Variants in GSDMC observed in about 807,000 individuals in gnomAD.
GSDMC encodes the protein gasdermin C.
A neutral mutation model predicts 58.0 loss-of-function variants in GSDMC; 59 were observed. That is an observed-to-expected ratio of 1.02 (90% CI 0.82 to 1.26). The LOEUF is 1.26. Among genes scored for constraint, GSDMC ranks in the 50% most tolerant of loss-of-function variants. GSDMC has a pLI of 0.00. For missense variants in GSDMC, 659 were observed against 598.5 expected, an observed-to-expected ratio of 1.10 and a Z score of -1.06; for synonymous variants, 241 against 220.2, an observed-to-expected ratio of 1.09 and a Z score of -0.83.
intron 3 of GSDMC, among the ~76,000 whole-genome samples, chr8:129,773,372 T>C (rs190184181): frequency 1.3e-3 from 191 of 152,334 alleles, no homozygotes; most frequent in Middle Eastern, 6.8e-3. Flanking sequence ...TCGAAAATCC[T>C]AAAAACTTCA....
At chr8:129,781,057 G>C (rs2034391674) in intron 1 of GSDMC, among the ~76,000 whole-genome samples, 1 of 151,902 alleles carries the variant, frequency 6.6e-6, no homozygotes, top group Non-Finnish European at 1.5e-5. Flanking sequence ...AAAATGAAAA[G>C]CAAGAAATTG....
chr8:129,732,332 G>A, the GSDMC span, among the ~76,000 whole-genome samples: 1 of 149,582 alleles, frequency 6.7e-6, no homozygotes, highest in South Asian at 2.1e-4. Context: ...GAGGGCTATA[G>A]AAGGAAAGCC....
At chr8:129,758,153 A>G (rs1235683384) in intron 6 of GSDMC, among the ~76,000 whole-genome samples, 1 of 152,262 alleles carries the variant, frequency 6.6e-6, no homozygotes, top group African/African-American at 2.4e-5. Context: ...AAGGTATTTC[A>G]TAAAGTTAAA....
In GSDMC at chr8:129,762,748, G is replaced by C. The variant is rs1387895938; in HGVS notation, c.571-17C>G. The C allele has an allele frequency of 1.3e-6, 2 of 1,504,142 alleles. No homozygotes were observed. Among genetic ancestry groups the C allele is most frequent in the African/African-American group, 1.4e-5 (1 of 72,724 alleles). 93.2% of individuals were successfully genotyped at this position (1,504,142 alleles called of 1,614,324 possible). A position where few individuals can be genotyped will look rare whatever the true frequency, so the allele number is the denominator to read the frequency against. On this transcript the variant is annotated splice_polypyrimidine_tract_variant and intron_variant, in intron 4 of 13. Coordinates refer to ENST00000276708, the MANE Select transcript of GSDMC (RefSeq NM_031415.3). The stretch of plus-strand genomic sequence containing the variant: ...GCCTTGACCCTGGGGAGAGAAACCA[G>C]ACAATACAGTATTAAATGTATGTAA...
In GSDMC at chr8:129,786,493, A is replaced by G. The variant is rs968030881; in HGVS notation, c.-487T>C. 1 of 152,180 alleles carries G rather than the reference A, an allele frequency of 6.6e-6. No homozygotes were observed. Among genetic ancestry groups the G allele is most frequent in the Non-Finnish European group, 1.5e-5 (1 of 68,028 alleles). 9.4% of individuals were successfully genotyped at this position (152,180 alleles called of 1,614,324 possible). A position where few individuals can be genotyped will look rare whatever the true frequency, so the allele number is the denominator to read the frequency against. ...TCCCTGACTCAATTTCCAATGCAGT[A>G]TCCTGGAAAAATAAGCACAGGAGGG... On this transcript the variant is annotated 5_prime_UTR_variant, in exon 1 of 14. Coordinates refer to ENST00000276708, the MANE Select transcript of GSDMC (RefSeq NM_031415.3).
At chr8:129,740,722 C>T in the GSDMC span, among the ~76,000 whole-genome samples, 1 of 152,048 alleles carries the variant, frequency 6.6e-6, no homozygotes. Context: ...GATTTATACA[C>T]GACTATATAT....
At chr8:129,769,730 A>G (rs1336075622) in intron 3 of GSDMC, among the ~76,000 whole-genome samples, 1 of 152,108 alleles carries the variant, frequency 6.6e-6, no homozygotes, top group Non-Finnish European at 1.5e-5. Context: ...TACAATGGCA[A>G]CTAAATTTCA....
the GSDMC span, among the ~76,000 whole-genome samples, chr8:129,722,388 C>A: frequency 2.0e-4 from 31 of 152,286 alleles, no homozygotes; most frequent in Non-Finnish European, 2.6e-4. Flanking sequence ...GTTAGTGTAG[C>A]TTATAAACAA....
At chr8:129,772,046 T>G (rs2128386) in intron 3 of GSDMC, among the ~76,000 whole-genome samples, 2 of 152,040 alleles carry the variant, frequency 1.3e-5, no homozygotes, top group Middle Eastern at 3.4e-3. Flanking sequence ...GGGCAGATCA[T>G]GAGGTCAGGA....
chr8:129,709,523 G>A, the GSDMC span, among the ~76,000 whole-genome samples: 2 of 147,684 alleles, frequency 1.4e-5, no homozygotes, highest in Non-Finnish European at 2.9e-5. Context: ...ATAGATGATA[G>A]GCAGATAGTT....
chr8:129,715,542 C>T, the GSDMC span, among the ~76,000 whole-genome samples: 1,521 of 152,250 alleles, frequency 1.0e-2, 15 homozygotes, highest in Middle Eastern at 0.031. Context: ...GAAAGAAAAA[C>T]TATCAACCTA....
the GSDMC span, among the ~76,000 whole-genome samples, chr8:129,718,623 G>A: frequency 2.0e-5 from 3 of 152,184 alleles, no homozygotes. Flanking sequence ...AGGCAGTGTG[G>A]AGTTTCCTCA....
chr8:129,782,569 T>C (rs1282896699), intron 1 of GSDMC, among the ~76,000 whole-genome samples: 3 of 152,124 alleles, frequency 2.0e-5, no homozygotes, highest in Non-Finnish European at 4.4e-5. Flanking sequence ...TATTGGCAGC[T>C]ACTATGAGCA....
the GSDMC span, among the ~76,000 whole-genome samples, chr8:129,735,936 A>G: frequency 6.6e-6 from 1 of 152,220 alleles, no homozygotes; most frequent in African/African-American, 2.4e-5. Flanking sequence ...AAAAGAGAGA[A>G]GAATCAAATA....
At chr8:129,716,387 T>C in the GSDMC span, among the ~76,000 whole-genome samples, 1 of 152,244 alleles carries the variant, frequency 6.6e-6, no homozygotes, top group Admixed American at 6.5e-5. Flanking sequence ...CAATTGTGAA[T>C]GGGAGTTCAC....
intron 5 of GSDMC, among the ~76,000 whole-genome samples, chr8:129,761,447 A>G (rs1170346068): frequency 6.6e-6 from 1 of 152,036 alleles, no homozygotes; most frequent in Non-Finnish European, 1.5e-5. Context: ...CACTTCAACC[A>G]CTGTAGTTTA....
chr8:129,780,363 T>C (rs1395885006), intron 1 of GSDMC, among the ~76,000 whole-genome samples: 1 of 151,650 alleles, frequency 6.6e-6, no homozygotes, highest in African/African-American at 2.4e-5. Context: ...CTCCCAAATA[T>C]CAAGTATAAA....
intron 4 of GSDMC, among the ~76,000 whole-genome samples, chr8:129,764,403 G>A (rs73406824): frequency 0.095 from 14,501 of 152,084 alleles, 2,356 homozygotes; most frequent in African/African-American, 0.33. Flanking sequence ...GTGTGTTGTA[G>A]GGGTAGAAAG....
chr8:129,722,810 T>C, the GSDMC span, among the ~76,000 whole-genome samples: 11 of 152,292 alleles, frequency 7.2e-5, no homozygotes, highest in South Asian at 1.9e-3. Context: ...TTTAACTTTT[T>C]TCAAAACACA....
Sources: allele counts gnomAD v4.1 joint callset (sites outside exome capture counted in the v4.1 genomes callset), GRCh38; gene constraint gnomAD v4.1.1; transcripts MANE v1.5; gene names NCBI Gene and HGNC (gene_info 2026-07-23, HGNC 2026-07-21).